ADAMTS18: variants seen among roughly 807,000 people sequenced by gnomAD.
The protein encoded by ADAMTS18 is A disintegrin and metalloproteinase with thrombospondin motifs 18.
A neutral mutation model predicts 165.9 loss-of-function variants in ADAMTS18; 157 were observed. The ratio of observed to expected loss-of-function variants is 0.95; its 90% CI spans 0.83 to 1.08. ADAMTS18 has a LOEUF of 1.08. Ranked by LOEUF, ADAMTS18 falls within the 50% of genes least tolerant of loss-of-function variation. The pLI is 0.00. For missense variants in ADAMTS18, 2,040 were observed against 1,534.0 expected (o/e 1.33, Z -5.51); for synonymous variants, 782 against 578.2 (o/e 1.35, Z -5.06).
At chr16:77,431,253 A>T (rs1432999880) in intron 3 of ADAMTS18, 42 bp downstream of exon 3, 4 of 1,610,948 alleles carry the variant, frequency 2.5e-6, no homozygotes, top group Non-Finnish European at 1.7e-6. Flanking sequence ...AGTTACACAA[A>T]ACACGAAAGA....
At chr16:77,392,732 C>T (rs182191275) in intron 3 of ADAMTS18, among the ~76,000 whole-genome samples, 6 of 152,216 alleles carry the variant, frequency 3.9e-5, no homozygotes, top group African/African-American at 9.6e-5. Context: ...AAATGAGTGC[C>T]TCTGTCCTGA....
chr16:77,434,355 G>T (rs890375118), intron 2 of ADAMTS18, 63 bp downstream of exon 2: 5 of 1,518,522 alleles, frequency 3.3e-6, no homozygotes, highest in Non-Finnish European at 4.4e-6. Context: ...TTCTCTCTTT[G>T]GGGGAAGGAA....
rs756053041 is a variant in ADAMTS18 at position 77,319,906 on chromosome 16, G to T, written c.2475C>A (p.Phe825Leu). The T allele has an allele frequency of 6.2e-7, 1 of 1,614,128 alleles. No homozygotes were observed. Among genetic ancestry groups the T allele is most frequent in the Admixed American group, 1.7e-5 (1 of 60,028 alleles). Residue 825 changes from phenylalanine (F) to leucine (L), a missense_variant, in exon 16 of 23, where the codon TTC becomes TTA. Transcript: ENST00000282849. Reference protein sequence around the residue: ...AGTTFEYQRSFNRPERLYAPG... With the variant: ...AGTTFEYQRSLNRPERLYAPG... Reference sequence around the variant, plus strand: ...GCGCGTACAGACGTTCCGGGCGGTTGAAAGAGCGCTGGTATTCAAACGTGG... The same window carrying T: ...GCGCGTACAGACGTTCCGGGCGGTTTAAAGAGCGCTGGTATTCAAACGTGG...
intron 3 of ADAMTS18, among the ~76,000 whole-genome samples, chr16:77,420,863 T>A (rs1322058509): frequency 6.6e-6 from 1 of 152,158 alleles, no homozygotes; most frequent in Non-Finnish European, 1.5e-5. Flanking sequence ...TTCATTTACC[T>A]CCTAGAAGAG....
At chr16:77,400,512 C>A in intron 3 of ADAMTS18, among the ~76,000 whole-genome samples, 1 of 146,464 alleles carries the variant, frequency 6.8e-6, no homozygotes, top group African/African-American at 2.5e-5. Flanking sequence ...GACGGAGTCT[C>A]GCTCTGTCGC....
intron 3 of ADAMTS18, among the ~76,000 whole-genome samples, chr16:77,368,709 C>A (rs1250116537): frequency 2.0e-5 from 3 of 151,964 alleles, no homozygotes; most frequent in Non-Finnish European, 4.4e-5. Context: ...CCAGTTCTGG[C>A]CCATCTTGAT....
chr16:77,375,343 C>T (rs1398320552), intron 3 of ADAMTS18, among the ~76,000 whole-genome samples: 1 of 152,044 alleles, frequency 6.6e-6, no homozygotes, highest in Non-Finnish European at 1.5e-5. Context: ...AATCGCACCA[C>T]CGCACTCCGG....
intron 10 of ADAMTS18, among the ~76,000 whole-genome samples, chr16:77,344,155 G>GTGTGTA (rs369058375): frequency 2.1e-5 from 3 of 140,260 alleles, no homozygotes; most frequent in African/African-American, 8.0e-5. Flanking sequence ...ATGTGTGTGT[G>GTGTGTA]TATATATATA....
rs745612415 is a variant in ADAMTS18 at position 77,431,596 on chromosome 16, G to A, written c.194C>T (p.Thr65Met). 1.9e-5 allele frequency: 31 copies of A among 1,613,856 alleles called. No individual in the cohort carries two copies. Among genetic ancestry groups the A allele is most frequent in the African/African-American group, 5.3e-5 (4 of 74,880 alleles). ...SGLNDDYVFV[T>M]PVEVDSAGSY... The stretch of plus-strand genomic sequence containing the variant: ...CCCGGCTGAGTCTACTTCTACTGGC[G>A]TGACAAAGACGTAATCTGCAATGGG... The change falls in exon 3 of 23, where the codon ACG (threonine) becomes ATG (methionine). Residue 65 changes from threonine to methionine, a missense_variant. By Grantham distance (81) the Thr-to-Met change is moderately conservative (BLOSUM62 -1). Coordinates refer to ENST00000282849, the MANE Select transcript of ADAMTS18 (RefSeq NM_199355.4).
intron 12 of ADAMTS18, among the ~76,000 whole-genome samples, chr16:77,334,767 A>ATATATAC (rs1555514231): frequency 4.7e-5 from 4 of 84,944 alleles, no homozygotes; most frequent in African/African-American, 2.2e-4. Context: ...AGTATACAGT[A>ATATATAC]TATATACTAT....
At chr16:77,297,243 C>T (rs762044833) in intron 18 of ADAMTS18, 46 bp downstream of exon 18, 2 of 1,610,994 alleles carry the variant, frequency 1.2e-6, no homozygotes, top group South Asian at 1.1e-5. Flanking sequence ...ACAATGAAGG[C>T]ATACAAGTAC....
intron 21 of ADAMTS18, 45 bp from the exon 22 acceptor site, chr16:77,289,456 GTCAGTGACA>G (rs2055321822): frequency 6.2e-7 from 1 of 1,603,968 alleles, no homozygotes; most frequent in Non-Finnish European, 8.5e-7. Flanking sequence ...CTCTACTGAG[GTCAGTGACA>G]TCAAACAGAA....
At chr16:77,378,691 G>A (rs1292708906) in intron 3 of ADAMTS18, among the ~76,000 whole-genome samples, 1 of 151,742 alleles carries the variant, frequency 6.6e-6, no homozygotes, top group African/African-American at 2.4e-5. Flanking sequence ...CTCCAACCTG[G>A]GTGACAGAGT....
At chr16:77,346,682 T>A (rs1045443588) in intron 10 of ADAMTS18, among the ~76,000 whole-genome samples, 9 of 152,212 alleles carry the variant, frequency 5.9e-5, no homozygotes, top group Non-Finnish European at 1.2e-4. Flanking sequence ...CTAGTTGGCC[T>A]GGATTTAAGC....
At chr16:77,397,803 G>A (rs894749484) in intron 3 of ADAMTS18, among the ~76,000 whole-genome samples, 3 of 152,160 alleles carry the variant, frequency 2.0e-5, no homozygotes, top group African/African-American at 7.2e-5. Context: ...ACTCAAAGCA[G>A]GCAACACTTG....
intron 16 of ADAMTS18, among the ~76,000 whole-genome samples, chr16:77,313,500 CTT>C (rs2055824147): frequency 1.4e-5 from 2 of 144,084 alleles, no homozygotes; most frequent in African/African-American, 5.1e-5. Flanking sequence ...AAAAAAAAAA[CTT>C]AAATTACAAA....
intron 9 of ADAMTS18, among the ~76,000 whole-genome samples, chr16:77,355,446 C>A (rs1489140396): frequency 1.3e-5 from 2 of 152,144 alleles, no homozygotes; most frequent in East Asian, 1.9e-4. Flanking sequence ...AAAACACAAA[C>A]ACACACTCAT....
rs74025997 is a variant in ADAMTS18 at position 77,396,279 on chromosome 16, T to G, written c.496-28556A>C. ...CTTGACTGCAAGGGAAGTCAAAAGG[T>G]TAATCAACTTACTGTGTTTGCCGTA... On this transcript the variant is annotated intron_variant, in intron 3 of 22. Coordinates refer to ENST00000282849, the MANE Select transcript of ADAMTS18 (RefSeq NM_199355.4). Among the ~76,000 whole-genome samples, 1,056 of 152,320 alleles carry G rather than the reference T, an allele frequency of 6.9e-3. 15 individuals carry two copies. Among genetic ancestry groups the G allele is most frequent in the African/African-American group, 0.025 (1,021 of 41,562 alleles).
chr16:77,339,267 G>A (rs906318169), intron 11 of ADAMTS18, among the ~76,000 whole-genome samples: 1 of 152,122 alleles, frequency 6.6e-6, no homozygotes. Context: ...CGGGAGTGAT[G>A]ATGGATGGAA....
Sources: allele counts gnomAD v4.1 joint callset (sites outside exome capture counted in the v4.1 genomes callset), GRCh38; gene constraint gnomAD v4.1.1; transcripts MANE v1.5; gene names NCBI Gene and HGNC (gene_info 2026-07-23, HGNC 2026-07-21).